ROBO1: variants seen among roughly 807,000 people sequenced by gnomAD.
ROBO1 encodes roundabout homolog 1.
A neutral mutation model predicts 195.9 loss-of-function variants in ROBO1; 149 were observed. The observed-to-expected ratio is 0.76, with a 90% CI of 0.67 to 0.87. The LOEUF (loss-of-function observed/expected upper bound fraction) is 0.87, where lower values mean the gene tolerates loss of function less well. Ranked by LOEUF, ROBO1 falls within the 40% of genes least tolerant of loss-of-function variation. The pLI, the probability that ROBO1 is intolerant of heterozygous loss-of-function variation, is 0.00. For synonymous variants in ROBO1, 816 were observed against 733.2 expected, an observed-to-expected ratio of 1.11 and a Z score of -1.82; for missense variants, 1,933 against 2,068.3, an observed-to-expected ratio of 0.93 and a Z score of 1.27.
intron 3 of ROBO1, among the ~76,000 whole-genome samples, chr3:79,026,110 C>G (rs1205378371): frequency 2.0e-5 from 3 of 151,964 alleles, no homozygotes; most frequent in African/African-American, 7.2e-5. Flanking sequence ...TGATCAGGAA[C>G]CGGGAATGCT....
At chr3:79,062,502 A>G (rs774863811) in intron 3 of ROBO1, among the ~76,000 whole-genome samples, 2 of 152,180 alleles carry the variant, frequency 1.3e-5, no homozygotes, top group Non-Finnish European at 2.9e-5. Context: ...TACTGGGTAT[A>G]TACCCAAAGG....
intron 2 of ROBO1, among the ~76,000 whole-genome samples, chr3:79,150,654 G>T (rs1381594445): frequency 6.6e-6 from 1 of 151,622 alleles, no homozygotes; most frequent in African/African-American, 2.4e-5. Context: ...AAATTCCTAA[G>T]ACCTTTAAAT....
intron 2 of ROBO1, among the ~76,000 whole-genome samples, chr3:79,568,164 A>G (rs1943150762): frequency 6.6e-6 from 1 of 152,114 alleles, no homozygotes; most frequent in Non-Finnish European, 1.5e-5. Flanking sequence ...GAAACAACCA[A>G]ATCTGCAGTT....
intron 1 of ROBO1, among the ~76,000 whole-genome samples, chr3:79,598,143 T>C (rs1156426423): frequency 6.6e-6 from 1 of 152,136 alleles, no homozygotes; most frequent in Non-Finnish European, 1.5e-5. Flanking sequence ...GAGATTCTTA[T>C]TCTATGTCCA....
chr3:78,633,860 C>G (rs1162835884), intron 24 of ROBO1, 75 bp downstream of exon 24: 23 of 932,810 alleles, frequency 2.5e-5, no homozygotes, highest in South Asian at 2.1e-4. Context: ...ATACGTCAGT[C>G]CATTAGCACT....
intron 2 of ROBO1, among the ~76,000 whole-genome samples, chr3:79,503,102 C>A (rs1321216647): frequency 6.6e-6 from 1 of 152,154 alleles, no homozygotes; most frequent in Non-Finnish European, 1.5e-5. Context: ...ATAAATCTCG[C>A]TGCTGCTCAC....
chr3:79,605,999 T>C (rs1944470024), intron 1 of ROBO1, among the ~76,000 whole-genome samples: 1 of 150,256 alleles, frequency 6.7e-6, no homozygotes, highest in Admixed American at 6.6e-5. Context: ...TGTGTATATA[T>C]ATATATATAT....
intron 8 of ROBO1, among the ~76,000 whole-genome samples, chr3:78,701,005 C>A (rs567608765): frequency 6.6e-6 from 1 of 152,244 alleles, no homozygotes; most frequent in Admixed American, 6.5e-5. Flanking sequence ...CTCGGGTGAT[C>A]CACCCGCCTC....
chr3:79,253,794 C>T (rs1352957751), intron 2 of ROBO1, among the ~76,000 whole-genome samples: 2 of 152,136 alleles, frequency 1.3e-5, no homozygotes, highest in African/African-American at 4.8e-5. Context: ...TTAGTTTCCC[C>T]AGTATTCCCT....
chr3:79,625,728 C>T (rs576109957), intron 1 of ROBO1, among the ~76,000 whole-genome samples: 1 of 152,064 alleles, frequency 6.6e-6, no homozygotes, highest in African/African-American at 2.4e-5. Flanking sequence ...AGCCTACCAA[C>T]CAAAAAAAGA....
chr3:79,486,007 C>T (rs191156224), intron 2 of ROBO1, among the ~76,000 whole-genome samples: 15 of 152,266 alleles, frequency 9.9e-5, no homozygotes, highest in Non-Finnish European at 1.9e-4. Flanking sequence ...TTTGGAACCA[C>T]TTAACCTGAA....
intron 1 of ROBO1, among the ~76,000 whole-genome samples, chr3:79,639,858 TA>T (rs1298338589): frequency 6.6e-6 from 1 of 152,218 alleles, no homozygotes; most frequent in East Asian, 1.9e-4. Flanking sequence ...GTTATTGAGG[TA>T]ATACCCTTTT....
Position 79,227,790 on chromosome 3 carries a change from G to A in ROBO1, c.89-102251C>T, listed in dbSNP as rs75242411. 6.7e-4 allele frequency among the ~76,000 whole-genome samples: 102 copies of A among 152,194 alleles called. 2 individuals carry two copies. In the East Asian group the frequency reaches 0.017, roughly 26 times the overall value. On this transcript the variant is annotated intron_variant, in intron 2 of 30. Coordinates refer to ENST00000464233, the MANE Select transcript of ROBO1 (RefSeq NM_002941.4). ...AAACAAACGGGTCAATATACTTTAT[G>A]GGTGAATAGTTTTAAATAATAATTA...
intron 2 of ROBO1, among the ~76,000 whole-genome samples, chr3:79,394,738 T>C (rs555372680): frequency 6.6e-6 from 1 of 152,140 alleles, no homozygotes; most frequent in South Asian, 2.1e-4. Context: ...TTGATGAAAA[T>C]TCAACCTGTC....
Position 78,920,459 on chromosome 3 carries a change from C to T in ROBO1, c.499+18142G>A, listed in dbSNP as rs190732649. 9.2e-5 allele frequency among the ~76,000 whole-genome samples: 14 copies of T among 151,952 alleles called. No individual in the cohort carries two copies. In the East Asian group the frequency reaches 2.7e-3, roughly 30 times the overall value. On this transcript the variant is annotated intron_variant, in intron 4 of 30. Coordinates refer to ENST00000464233, the MANE Select transcript of ROBO1 (RefSeq NM_002941.4). ...AGCTAGGATTACAGGCAGGTGCCAC[C>T]ACGCACGGCTAACTTTTTTTTATTT... is the stretch of plus-strand genomic sequence containing the variant.
At chr3:79,542,987 T>C (rs1942132305) in intron 2 of ROBO1, among the ~76,000 whole-genome samples, 1 of 152,076 alleles carries the variant, frequency 6.6e-6, no homozygotes, top group Non-Finnish European at 1.5e-5. Flanking sequence ...TTCATAATGA[T>C]TGTATATGAC....
intron 2 of ROBO1, among the ~76,000 whole-genome samples, chr3:79,255,573 C>CA (rs2082818590): frequency 1.3e-5 from 2 of 152,186 alleles, no homozygotes; most frequent in East Asian, 3.9e-4. Context: ...ATAAGCAAAA[C>CA]AAAATTATTC....
At chr3:79,284,043 C>G (rs973593147) in intron 2 of ROBO1, among the ~76,000 whole-genome samples, 1 of 151,546 alleles carries the variant, frequency 6.6e-6, no homozygotes, top group African/African-American at 2.4e-5. Context: ...AGTTCTGGGT[C>G]GCTGGTGGAT....
At chr3:79,206,584 C>T (rs2081872411) in intron 2 of ROBO1, among the ~76,000 whole-genome samples, 1 of 152,000 alleles carries the variant, frequency 6.6e-6, no homozygotes, top group South Asian at 2.1e-4. Context: ...AAACATATCC[C>T]CTGAGGACAA....
Sources: allele counts gnomAD v4.1 joint callset (sites outside exome capture counted in the v4.1 genomes callset), GRCh38; gene constraint gnomAD v4.1.1; transcripts MANE v1.5; gene names NCBI Gene and HGNC (gene_info 2026-07-23, HGNC 2026-07-21).